The following ITGAE variants were observed in gnomAD, a reference collection of about 807,000 sequenced individuals.
ITGAE encodes integrin subunit alpha E.
In ITGAE, 99 loss-of-function variants were observed where a neutral mutation model predicts 136.5. The observed-to-expected ratio is 0.73, with a 90% confidence interval of 0.62 to 0.86. The LOEUF (loss-of-function observed/expected upper bound fraction) is 0.86. Among genes scored for constraint, ITGAE ranks in the 40% least tolerant of loss-of-function variants. The probability of loss-of-function intolerance (pLI) is 0.00; values close to 1 mark genes in which losing one functional copy is unlikely to be tolerated. For missense variants in ITGAE, 1,447 were observed against 1,515.3 expected (o/e 0.95, Z 0.75); for synonymous variants, 613 against 591.8 (o/e 1.04, Z -0.52).
At position 3,750,390 on chromosome 17, in the gene ITGAE, G is replaced by C. The variant is rs1467077116; in HGVS notation, c.1986C>G (p.Asp662Glu). 1.9e-6 allele frequency: 3 copies of C among 1,614,094 alleles called. No individual in the cohort carries two copies. The African/African-American group carries it at 4.0e-5, about 22-fold the overall frequency. ...GFDISGDGLA[D>E]ITVGTLGQAV... is the part of the protein sequence containing the mutation. ...CCTGGCCCAGAGTGCCCACGGTGATGTCGGCAAGGCCGTCGCCACTAATAT... is the reference window on the plus strand; with the variant it reads ...CCTGGCCCAGAGTGCCCACGGTGATCTCGGCAAGGCCGTCGCCACTAATAT... Residue 662 changes from aspartate (D) to glutamate (E), a missense_variant, in exon 16 of 31, where the codon GAC becomes GAG. Transcript: ENST00000263087.
chr17:3,746,524 T>C (rs568702764), intron 17 of ITGAE, among the ~76,000 whole-genome samples: 7 of 151,986 alleles, frequency 4.6e-5, no homozygotes, highest in South Asian at 2.1e-4. Flanking sequence ...GGCGCGATCT[T>C]GGCTCACTGC....
At chr17:3,790,511 AAC>A (rs144084191) in intron 1 of ITGAE, among the ~76,000 whole-genome samples, 13 of 60,260 alleles carry the variant, frequency 2.2e-4, no homozygotes, top group East Asian at 7.0e-4. Context: ...GTCTCAAACA[AAC>A]ACACACACAC....
At chr17:3,727,862 A>G in intron 26 of ITGAE, 57 bp downstream of exon 26, 1 of 1,076,196 alleles carries the variant, frequency 9.3e-7, no homozygotes, top group Non-Finnish European at 1.4e-6. Flanking sequence ...TTTATACTTG[A>G]GACTCTGTAG....
At chr17:3,785,643 A>G (rs2052775222) in intron 1 of ITGAE, among the ~76,000 whole-genome samples, 1 of 152,286 alleles carries the variant, frequency 6.6e-6, no homozygotes, top group East Asian at 1.9e-4. Context: ...GTGGAATAGC[A>G]AATCAGACCT....
chr17:3,723,584 G>T, intron 27 of ITGAE, 104 bp downstream of exon 27: 1 of 1,251,388 alleles, frequency 8.0e-7, no homozygotes, highest in African/African-American at 1.5e-5. Context: ...GCAGCCCCCG[G>T]CACTGGCCGG....
Position 3,720,331 on chromosome 17 carries a change from C to A in ITGAE, c.3309G>T (p.Leu1103=), listed in dbSNP as rs1126606. Residue 1103 remains leucine, a synonymous_variant, in exon 29 of 31, where the codon CTG becomes CTT. Transcript: ENST00000263087. The part of the protein sequence containing the change: ...ISFNKSLYEG[L]NAENHRTKIT... Reference sequence around the variant, plus strand: ...CCTTAGTTCTGTGGTTCTCTGCATTCAGTCCCTCATATAGAGATTTGTTGA... The same window carrying A: ...CCTTAGTTCTGTGGTTCTCTGCATTAAGTCCCTCATATAGAGATTTGTTGA... 3 of 1,582,656 alleles carry A rather than the reference C, an allele frequency of 1.9e-6. No homozygotes were observed. Among genetic ancestry groups the A allele is most frequent in the Non-Finnish European group, 2.6e-6 (3 of 1,151,438 alleles).
rs770375864 is a variant in ITGAE, at chr17:3,761,031, CGTCTTCCTCCTCCTCCTT to C, written c.562_579del (p.Lys188_Asp193del). 8.2e-5 allele frequency: 132 copies of C among 1,604,066 alleles called. 1 individual carries two copies. The South Asian group carries it at 9.5e-4, about 11-fold the overall frequency. On this transcript the variant is annotated inframe_deletion, in exon 6 of 31. Coordinates refer to ENST00000263087, the MANE Select transcript of ITGAE (RefSeq NM_002208.5). ...TTCTCACCAGCTTCCTCCTCCTCCT[CGTCTTCCTCCTCCTCCTT>C]GTCTTCCTCCTCCTCCTTCTCCAGA...
chr17:3,754,986 C>T (rs1411841244), intron 12 of ITGAE, 131 bp downstream of exon 12: 1 of 1,141,248 alleles, frequency 8.8e-7, no homozygotes, highest in South Asian at 1.7e-5. Context: ...AGGTAGCCCC[C>T]AGGCCCCACC....
At chr17:3,783,192 G>A (rs1051520260) in intron 1 of ITGAE, among the ~76,000 whole-genome samples, 1 of 152,136 alleles carries the variant, frequency 6.6e-6, no homozygotes, top group African/African-American at 2.4e-5. Context: ...CCAAGCTGGA[G>A]TGCGGTGGCG....
chr17:3,782,213 T>TGC (rs1474764006), intron 1 of ITGAE, among the ~76,000 whole-genome samples: 1 of 143,486 alleles, frequency 7.0e-6, no homozygotes. Flanking sequence ...AGGCACAGGT[T>TGC]GCGGTGAACT....
Position 3,729,574 on chromosome 17 carries a change from G to A in ITGAE, c.2835-19C>T. 1 of 1,455,876 alleles carries A rather than the reference G, an allele frequency of 6.9e-7. No homozygotes were observed. The highest frequency in any genetic ancestry group is 9.7e-7 in the Non-Finnish European group (1 of 1,035,484). 90.2% of individuals were successfully genotyped at this position (1,455,876 alleles called of 1,614,324 possible). On this transcript the variant is annotated intron_variant, in intron 23 of 30. Coordinates refer to ENST00000263087, the MANE Select transcript of ITGAE (RefSeq NM_002208.5). The stretch of plus-strand genomic sequence containing the variant: ...ATTGGAACTAGGAATAAGAGTGTTA[G>A]TTCATAGCACACCTGCTTTGTACAT...
intron 15 of ITGAE, among the ~76,000 whole-genome samples, chr17:3,751,071 G>C (rs2051853109): frequency 6.6e-6 from 1 of 151,974 alleles, no homozygotes; most frequent in South Asian, 2.1e-4. Flanking sequence ...ACTGTCTGAG[G>C]TTTCCGGTGT....
At chr17:3,726,470 G>A in intron 26 of ITGAE, 2 of 632,580 alleles carry the variant, frequency 3.2e-6, no homozygotes, top group South Asian at 2.3e-5. Context: ...CAAGAATTTT[G>A]TTTCCAAATG....
chr17:3,787,055 A>C (rs1431086855), intron 1 of ITGAE, among the ~76,000 whole-genome samples: 1 of 152,146 alleles, frequency 6.6e-6, no homozygotes, highest in Non-Finnish European at 1.5e-5. Context: ...CATCTGATAA[A>C]ATCCAAGACT....
At chr17:3,794,885 CGCAGA>C (rs962338069) in intron 1 of ITGAE, among the ~76,000 whole-genome samples, 14 of 152,134 alleles carry the variant, frequency 9.2e-5, no homozygotes, top group Non-Finnish European at 1.6e-4. Context: ...GAGTGGAGGC[CGCAGA>C]GCAAAGTCCA....
In ITGAE at chr17:3,777,655, C is replaced by A. The variant is rs776276903; in HGVS notation, c.40G>T (p.Ala14Ser). ...TCCACATTGAAAGCGGCCAGCAGGG[C>A]CAGGCCTGTAGGGAAAAGAGGAGCG... is the stretch of plus-strand genomic sequence containing the variant. ...FHTLLCIASLALLAAFNVDVA... is the reference protein window; with the variant it reads ...FHTLLCIASLSLLAAFNVDVA... Residue 14 changes from alanine to serine, a missense_variant, in exon 2 of 31, where the codon GCC becomes TCC. This residue lies in a region of ITGAE where 106 missense variants were observed against 87.8 expected (regional missense o/e 1.21). Transcript: ENST00000263087. 8.7e-6 allele frequency: 14 copies of A among 1,611,854 alleles called. No homozygotes were observed. The South Asian group carries it at 1.5e-4, about 18-fold the overall frequency.
chr17:3,767,160 G>C (rs570478453), intron 2 of ITGAE, among the ~76,000 whole-genome samples: 2 of 150,968 alleles, frequency 1.3e-5, no homozygotes, highest in African/African-American at 4.9e-5. Context: ...GCAATGGCAC[G>C]ATCTCGGCTC....
At chr17:3,738,514 T>G (rs1423636740) in intron 20 of ITGAE, among the ~76,000 whole-genome samples, 2 of 152,202 alleles carry the variant, frequency 1.3e-5, no homozygotes, top group African/African-American at 2.4e-5. Context: ...CACACTCATG[T>G]GCTTGGCAAC....
intron 1 of ITGAE, among the ~76,000 whole-genome samples, chr17:3,800,836 G>A (rs999844682): frequency 1.3e-5 from 2 of 152,220 alleles, no homozygotes; most frequent in Admixed American, 6.5e-5. Flanking sequence ...GGTGGCGGGG[G>A]GAGGCTGGCT....
Sources: allele counts gnomAD v4.1 joint callset (sites outside exome capture counted in the v4.1 genomes callset), GRCh38; gene constraint gnomAD v4.1.1; regional missense constraint gnomAD v4.1.1; transcripts MANE v1.5; gene names NCBI Gene and HGNC (gene_info 2026-07-23, HGNC 2026-07-21).